Variants in SNTB1 observed in about 807,000 individuals in gnomAD.
The protein encoded by SNTB1 is syntrophin beta 1.
SNTB1 carries 36 observed loss-of-function variants against 48.9 expected under a neutral mutation model. The observed-to-expected ratio is 0.74, with a 90% CI of 0.56 to 0.97. The LOEUF is 0.97. SNTB1 is among the 50% of genes least tolerant of loss of function. SNTB1 has a pLI of 0.00. For missense variants in SNTB1, 786 were observed against 703.4 expected, an observed-to-expected ratio of 1.12 and a Z score of -1.33; for synonymous variants, 299 against 294.6, an observed-to-expected ratio of 1.01 and a Z score of -0.15.
intron 3 of SNTB1, 109 bp from the exon 4 acceptor site, chr8:120,575,334 G>T (rs1285644693): frequency 7.9e-7 from 1 of 1,272,710 alleles, no homozygotes; most frequent in African/African-American, 1.5e-5. Context: ...AGTGTCTTTT[G>T]GTTTGGTTGC....
intron 2 of SNTB1, among the ~76,000 whole-genome samples, chr8:120,691,784 G>C (rs1587092608): frequency 6.6e-6 from 1 of 152,098 alleles, no homozygotes; most frequent in African/African-American, 2.4e-5. Context: ...TATACCATAG[G>C]CTGCCACTTT....
chr8:120,731,959 G>T (rs957479027), intron 1 of SNTB1, among the ~76,000 whole-genome samples: 1 of 152,208 alleles, frequency 6.6e-6, no homozygotes, highest in Non-Finnish European at 1.5e-5. Context: ...GGGAATGGGG[G>T]TAGTGTATAA....
chr8:120,551,821 C>A (rs1815486640), intron 4 of SNTB1, among the ~76,000 whole-genome samples: 2 of 151,506 alleles, frequency 1.3e-5, no homozygotes, highest in Admixed American at 6.6e-5. Context: ...ATGGTTTGTG[C>A]TCCATTCTTA....
At position 120,811,585 on chromosome 8, in the gene SNTB1, A is replaced by AAAG; in HGVS notation, c.258_259insCTT (p.Asp86_Ser87insLeu). 1 of 1,567,418 alleles carries AAAG rather than the reference A, an allele frequency of 6.4e-7. No homozygotes were observed. Among genetic ancestry groups the AAAG allele is most frequent in the Non-Finnish European group, 8.6e-7 (1 of 1,157,504 alleles). On this transcript the variant is annotated inframe_insertion, in exon 1 of 7. Transcript: ENST00000517992. ...AAAGCGGTGCGGACCCCGGCGGGCGAGTCCGGGGGCTGCGCGCCGCCCGCG... is the reference window on the plus strand; with the variant it reads ...AAAGCGGTGCGGACCCCGGCGGGCGAAAGGTCCGGGGGCTGCGCGCCGCCCGCG...
Position 120,632,496 on chromosome 8 carries a change from G to A in SNTB1, c.944C>T (p.Thr315Ile). The change falls in exon 3 of 7, where the codon ACA becomes ATA. Residue 315 changes from threonine to isoleucine, a missense_variant. Transcript: ENST00000517992. Reference protein sequence around the residue: ...IAEVREQLGKTGIAGSREIRH... With the variant: ...IAEVREQLGKIGIAGSREIRH... ...AATCTCTCGGCTCCCAGCAATGCCT[G>A]TTTTCCCCAGCTGCTCTCTGACCTC... 1 of 1,614,144 alleles carries A rather than the reference G, an allele frequency of 6.2e-7. No homozygotes were observed. The highest frequency in any genetic ancestry group is 8.5e-7 in the Non-Finnish European group (1 of 1,180,032).
chr8:120,761,713 A>G (rs997717718), intron 1 of SNTB1, among the ~76,000 whole-genome samples: 5 of 152,248 alleles, frequency 3.3e-5, no homozygotes, highest in African/African-American at 1.2e-4. Flanking sequence ...ATCATCAGGT[A>G]GATGCCAGCT....
chr8:120,739,404 T>C (rs1010426820), intron 1 of SNTB1, among the ~76,000 whole-genome samples: 2 of 152,158 alleles, frequency 1.3e-5, no homozygotes, highest in Admixed American at 6.5e-5. Flanking sequence ...TCTCAGACAA[T>C]GGCATTCAGT....
Position 120,571,478 on chromosome 8 carries a change from GGTTTTT to G in SNTB1, c.1136+3602_1136+3607del, listed in dbSNP as rs1471066539. On this transcript the variant is annotated intron_variant, in intron 4 of 6. Transcript: ENST00000517992. The stretch of plus-strand genomic sequence containing the variant: ...GGATGTTTACATTCTGACTATTGAG[GGTTTTT>G]TTTTTTTTTTTTTTTTTTTTTTTTT... 608 of 243,844 alleles carry G rather than the reference GGTTTTT, an allele frequency of 2.5e-3. 14 individuals are homozygous for G. Among genetic ancestry groups the G allele is most frequent in the South Asian group, 3.6e-3 (103 of 28,294 alleles). 15.1% of individuals were successfully genotyped at this position (243,844 alleles called of 1,614,324 possible).
chr8:120,763,111 C>A (rs1377473631), intron 1 of SNTB1, among the ~76,000 whole-genome samples: 5 of 152,128 alleles, frequency 3.3e-5, no homozygotes, highest in Non-Finnish European at 7.3e-5. Context: ...TCCTCTAGAA[C>A]AATTTATATG....
intron 2 of SNTB1, among the ~76,000 whole-genome samples, chr8:120,692,598 G>T (rs1012522571): frequency 1.3e-5 from 2 of 152,086 alleles, no homozygotes; most frequent in African/African-American, 4.8e-5. Context: ...AATTGCCATG[G>T]GTTGGGTGAT....
At chr8:120,766,417 C>A (rs114357874) in intron 1 of SNTB1, among the ~76,000 whole-genome samples, 3,501 of 152,264 alleles carry the variant, frequency 0.023, 136 homozygotes, top group African/African-American at 0.08. Flanking sequence ...TGGTTTATAG[C>A]AATGCTCTTT....
At chr8:120,638,919 C>G (rs1350513768) in intron 2 of SNTB1, among the ~76,000 whole-genome samples, 2 of 152,186 alleles carry the variant, frequency 1.3e-5, no homozygotes, top group Non-Finnish European at 2.9e-5. Context: ...GGTATATACC[C>G]AGTAATGGGA....
chr8:120,717,965 C>T (rs554860467), intron 1 of SNTB1, among the ~76,000 whole-genome samples: 11 of 152,324 alleles, frequency 7.2e-5, no homozygotes, highest in African/African-American at 2.6e-4. Flanking sequence ...CTGAGCAGTC[C>T]TGCCCTTTGA....
At chr8:120,810,184 C>A (rs1188758517) in intron 1 of SNTB1, among the ~76,000 whole-genome samples, 1 of 152,130 alleles carries the variant, frequency 6.6e-6, no homozygotes, top group Non-Finnish European at 1.5e-5. Flanking sequence ...ACTCCAGATA[C>A]CGCAATCTAC....
At chr8:120,785,688 G>A (rs1471476985) in intron 1 of SNTB1, among the ~76,000 whole-genome samples, 2 of 151,248 alleles carry the variant, frequency 1.3e-5, no homozygotes, top group African/African-American at 4.8e-5. Context: ...AATTTTGGGT[G>A]CTCCATGGCC....
At chr8:120,570,310 C>T (rs575293985) in intron 4 of SNTB1, 1 of 152,304 alleles carries the variant, frequency 6.6e-6, no homozygotes, top group African/African-American at 2.4e-5. Flanking sequence ...AGCAGTCACT[C>T]CTTGGACATT....
intron 4 of SNTB1, among the ~76,000 whole-genome samples, chr8:120,552,067 T>C (rs567538772): frequency 2.0e-5 from 3 of 152,244 alleles, no homozygotes; most frequent in African/African-American, 7.2e-5. Context: ...CATAAATATA[T>C]TGTAGAGGCA....
At chr8:120,766,628 T>A (rs866701791) in intron 1 of SNTB1, among the ~76,000 whole-genome samples, 1 of 152,292 alleles carries the variant, frequency 6.6e-6, no homozygotes, top group Middle Eastern at 3.4e-3. Flanking sequence ...AATACCAAAT[T>A]GAATAAGACA....
In SNTB1 at chr8:120,582,512, G is replaced by T. The variant is rs142060603; in HGVS notation, c.997-7287C>A. 1.3e-4 allele frequency among the ~76,000 whole-genome samples: 20 copies of T among 152,236 alleles called. No homozygotes were observed. The East Asian group carries it at 3.9e-3, about 29-fold the overall frequency. ...CCAAAATCTGTTTTTTTGAGATCAT[G>T]ATCAATAAACCTCTAGCCACCCAGA... is the stretch of plus-strand genomic sequence containing the variant. On this transcript the variant is annotated intron_variant, in intron 3 of 6. Transcript: ENST00000517992.
Sources: allele counts gnomAD v4.1 joint callset (sites outside exome capture counted in the v4.1 genomes callset), GRCh38; gene constraint gnomAD v4.1.1; transcripts MANE v1.5; gene names NCBI Gene and HGNC (gene_info 2026-07-23, HGNC 2026-07-21).